Variants in F5 observed in about 807,000 individuals in gnomAD.
F5 encodes activated protein c cofactor.
Under a neutral mutation model 216.4 loss-of-function variants are expected in F5, and 138 were observed. That is an observed-to-expected ratio of 0.64 (90% CI 0.56 to 0.73). The LOEUF is 0.73. Ranked by LOEUF, F5 falls within the 30% of genes least tolerant of loss-of-function variation. The pLI, the probability that F5 is intolerant of heterozygous loss-of-function variation, is 0.00. For missense variants in F5, 2,403 were observed against 2,674.0 expected, an observed-to-expected ratio of 0.90 and a Z score of 2.24; for synonymous variants, 916 against 930.7, an observed-to-expected ratio of 0.98 and a Z score of 0.29.
At chr1:169,561,120 G>T (rs987352274) in intron 3 of F5, among the ~76,000 whole-genome samples, 1 of 152,070 alleles carries the variant, frequency 6.6e-6, no homozygotes, top group Non-Finnish European at 1.5e-5. Flanking sequence ...TCTTCTTTGT[G>T]GTGTTTAATA....
chr1:169,545,940 C>T (rs1245544112), intron 11 of F5, among the ~76,000 whole-genome samples: 3 of 152,160 alleles, frequency 2.0e-5, no homozygotes, highest in African/African-American at 7.2e-5. Flanking sequence ...TCCTTTTGTT[C>T]TGAAAATCTT....
At chr1:169,520,207 A>G (rs1250239377) in intron 22 of F5, among the ~76,000 whole-genome samples, 27 of 152,168 alleles carry the variant, frequency 1.8e-4, no homozygotes, top group Admixed American at 1.7e-3. Flanking sequence ...CCTAGTTTGA[A>G]TCTCAGGTAG....
intron 13 of F5, among the ~76,000 whole-genome samples, chr1:169,539,646 G>A (rs1211692208): frequency 6.6e-6 from 1 of 152,184 alleles, no homozygotes; most frequent in Admixed American, 6.5e-5. Context: ...AGTGATTAGT[G>A]TAACAGCTTT....
intron 14 of F5, among the ~76,000 whole-genome samples, chr1:169,534,192 A>G (rs1164601379): frequency 6.6e-6 from 1 of 152,068 alleles, no homozygotes; most frequent in African/African-American, 2.4e-5. Flanking sequence ...GTGAGCCCTT[A>G]AAAGGGACAG....
In F5 at chr1:169,540,563, T is replaced by C. The variant is rs1256422151; in HGVS notation, c.4527A>G (p.Pro1509=). 1 of 1,613,974 alleles carries C rather than the reference T, an allele frequency of 6.2e-7. No homozygotes were observed. The highest frequency in any genetic ancestry group is 2.2e-5 in the East Asian group (1 of 44,864). Residue 1509 remains proline, a synonymous_variant, in exon 13 of 25, where the codon CCA becomes CCG. Transcript: ENST00000367797. ...CTTTACTGAGGCCCACTATAACCAG[T>C]GGATTAAATTCCTTTGATAGAAAAG... The part of the protein sequence containing the change: ...NDTFLSKEFN[P]LVIVGLSKDG...
At chr1:169,528,183 C>T in intron 16 of F5, 89 bp from the exon 17 acceptor site, 1 of 1,500,244 alleles carries the variant, frequency 6.7e-7, no homozygotes, top group South Asian at 1.2e-5. Flanking sequence ...CCACTCAACA[C>T]CCATGTTCCT....
rs752438368 is a variant in F5, at chr1:169,549,891, A to T, written c.1521T>A (p.Ser507Arg). ...DAQCLTRPYY[S>R]DVDIMRDIAS... ...CGATGTCTCTCATGATGTCCACGTC[A>T]CTGTAGTATGGTCTTGTTAAGCACT... Residue 507 changes from serine (S) to arginine (R), a missense_variant, in exon 10 of 25, where the codon AGT (serine) becomes AGA (arginine). Around this residue, in one of 4 missense-constraint regions of F5, gnomAD observed 1,425 missense variants for 1,554.8 expected, o/e 0.92. Transcript: ENST00000367797. The T allele has an allele frequency of 2.5e-6, 4 of 1,614,138 alleles. No homozygotes were observed. The highest frequency in any genetic ancestry group is 2.5e-6 in the Non-Finnish European group (3 of 1,179,994).
intron 10 of F5, among the ~76,000 whole-genome samples, chr1:169,547,462 G>C (rs10919186): frequency 0.24 from 35,801 of 152,032 alleles, 4,305 homozygotes; most frequent in Admixed American, 0.33. Flanking sequence ...GGTCTAATAT[G>C]GAGCATTTAT....
chr1:169,516,907 A>G (rs1659167775), intron 23 of F5, among the ~76,000 whole-genome samples: 1 of 152,166 alleles, frequency 6.6e-6, no homozygotes, highest in Non-Finnish European at 1.5e-5. Flanking sequence ...TTATATCACA[A>G]AGACTAAGAG....
chr1:169,530,698 G>T, intron 15 of F5, 88 bp downstream of exon 15: 2 of 1,193,216 alleles, frequency 1.7e-6, no homozygotes, highest in Non-Finnish European at 2.5e-6. Flanking sequence ...ACAGACATTT[G>T]ACAAGAAATA....
intron 2 of F5, among the ~76,000 whole-genome samples, chr1:169,575,060 T>C (rs896655619): frequency 1.3e-5 from 2 of 152,148 alleles, no homozygotes; most frequent in African/African-American, 4.8e-5. Context: ...TTTAAACCTA[T>C]GGTAAATATT....
chr1:169,534,349 T>C (rs1659657258), intron 14 of F5, among the ~76,000 whole-genome samples: 1 of 152,146 alleles, frequency 6.6e-6, no homozygotes, highest in Non-Finnish European at 1.5e-5. Context: ...GCAATTCTAT[T>C]ACTGGGTATA....
rs754043375 is a variant in F5 at position 169,542,444 on chromosome 1, C to T, written c.2646G>A (p.Trp882Ter). ...CAACTTTATGTGCTAGTAATTTCAT[C>T]CAGGAGAACCTGTGCTTTGCTGCTT... The part of the protein sequence containing the change: ...RDQAAKHRFS[W>*]MKLLAHKVGR... Residue 882 changes from tryptophan to a stop codon, truncating the protein, a stop_gained, in exon 13 of 25, where the codon TGG becomes TGA. Coordinates refer to ENST00000367797, the MANE Select transcript of F5 (RefSeq NM_000130.5). LOFTEE classifies it high-confidence loss of function. 38 of 1,614,100 alleles carry T rather than the reference C, an allele frequency of 2.4e-5. No homozygotes were observed. Among genetic ancestry groups the T allele is most frequent in the Non-Finnish European group, 3.2e-5 (38 of 1,179,992 alleles).
At chr1:169,523,996 T>C in intron 19 of F5, 92 bp from the exon 20 acceptor site, 2 of 1,054,164 alleles carry the variant, frequency 1.9e-6, no homozygotes, top group South Asian at 1.3e-5. Context: ...AACCAGATCC[T>C]TGGAGGACCT....
chr1:169,568,241 A>G (rs1315557951), intron 3 of F5, among the ~76,000 whole-genome samples: 2 of 152,136 alleles, frequency 1.3e-5, no homozygotes, highest in Non-Finnish European at 2.9e-5. Context: ...AGTTTAGTAT[A>G]CTACTAAAAG....
At chr1:169,581,976 A>G (rs1176235760) in intron 2 of F5, among the ~76,000 whole-genome samples, 2 of 152,218 alleles carry the variant, frequency 1.3e-5, no homozygotes, top group African/African-American at 4.8e-5. Flanking sequence ...CATAATCTCC[A>G]TGAACCCAGG....
intron 8 of F5, 100 bp from the exon 9 acceptor site, chr1:169,550,839 G>A (rs1660151845): frequency 2.4e-6 from 2 of 844,494 alleles, no homozygotes; most frequent in Admixed American, 1.9e-5. Context: ...TGGTGTGTGT[G>A]TATACATGTG....
intron 9 of F5, among the ~76,000 whole-genome samples, chr1:169,550,293 C>T (rs1368100857): frequency 2.7e-5 from 2 of 75,414 alleles, no homozygotes; most frequent in South Asian, 7.1e-4. Context: ...CCCCCACCCC[C>T]CCCCCCCGAC....
At chr1:169,583,818 G>A (rs1571606752) in intron 1 of F5, among the ~76,000 whole-genome samples, 1 of 152,206 alleles carries the variant, frequency 6.6e-6, no homozygotes, top group South Asian at 2.1e-4. Flanking sequence ...AAGGAGGCAC[G>A]TAAGTACTTT....
Sources: allele counts gnomAD v4.1 joint callset (sites outside exome capture counted in the v4.1 genomes callset), GRCh38; gene constraint gnomAD v4.1.1; regional missense constraint gnomAD v4.1.1; transcripts MANE v1.5; gene names NCBI Gene and HGNC (gene_info 2026-07-23, HGNC 2026-07-21).